The following C9orf50 variants were observed in gnomAD, a reference collection of about 807,000 sequenced individuals.
C9orf50 encodes the protein chromosome 9 open reading frame 50, also known as uncharacterized protein C9orf50.
Under a neutral mutation model 42.5 loss-of-function variants are expected in C9orf50, and 33 were observed. The observed-to-expected ratio is 0.78, with a 90% confidence interval of 0.59 to 1.04. C9orf50 has a LOEUF of 1.04. C9orf50 is among the 50% of genes least tolerant of loss of function. The pLI is 0.00. For missense variants in C9orf50, 547 were observed against 594.3 expected (o/e 0.92, Z 0.83); for synonymous variants, 257 against 273.4 (o/e 0.94, Z 0.59).
At position 129,620,056 on chromosome 9, in the gene C9orf50, C is replaced by G. The variant is rs1273240836; in HGVS notation, c.508+11G>C. The G allele has an allele frequency of 2.1e-6, 3 of 1,453,956 alleles. No individual in the cohort carries two copies. The highest frequency in any genetic ancestry group is 2.5e-5 in the East Asian group (1 of 40,042). The allele number at this position is 1,453,956 out of a possible 1,614,324, so 90.1% of individuals were successfully genotyped here. On this transcript the variant is annotated intron_variant, in intron 1 of 6. Coordinates refer to ENST00000372478, the Ensembl canonical transcript of C9orf50. The surrounding 1 kb of genome is among the most constrained non-coding windows in gnomAD (Gnocchi z 5.8). Reference sequence around the variant, plus strand: ...ACTCGGGCCCGCCCCCCGGGCCCCGCGGGGCCTCACTCAGTGGCTCCGGCT... The same window carrying G: ...ACTCGGGCCCGCCCCCCGGGCCCCGGGGGGCCTCACTCAGTGGCTCCGGCT...
intron 6 of C9orf50, 113 bp downstream of exon 6, chr9:129,612,994 A>C: frequency 7.3e-7 from 1 of 1,376,674 alleles, no homozygotes; most frequent in Non-Finnish European, 9.9e-7. Context: ...CTTGGCTCTC[A>C]GGGAGGGTCC....
At position 129,620,670 on chromosome 9, in the gene C9orf50, T is replaced by A; in HGVS notation, c.-96A>T. On this transcript the variant is annotated 5_prime_UTR_variant, in exon 1 of 7. Transcript: ENST00000372478. The surrounding 1 kb of genome is among the most constrained non-coding windows in gnomAD (Gnocchi z 5.8). ...GGCATAGTCCAGCCCCAGGCCATAG[T>A]GCCCCGGGCGGGGCAGCGCGGTGCG... The A allele has an allele frequency of 8.7e-7, 1 of 1,145,976 alleles. No individual in the cohort carries two copies. Among genetic ancestry groups the A allele is most frequent in the Non-Finnish European group, 1.1e-6 (1 of 908,398 alleles). 71.0% of individuals were successfully genotyped at this position (1,145,976 alleles called of 1,614,324 possible). A position where few individuals can be genotyped will look rare whatever the true frequency, so the allele number is the denominator to read the frequency against.
Position 129,620,565 on chromosome 9 carries a change from G to T in C9orf50, c.10C>A (p.Arg4Ser). 7.3e-7 allele frequency: 1 copy of T among 1,370,474 alleles called. No homozygotes were observed. 84.9% of individuals were successfully genotyped at this position (1,370,474 alleles called of 1,614,324 possible). A position where few individuals can be genotyped will look rare whatever the true frequency, so the allele number is the denominator to read the frequency against. ...TCCTGGGCCCCTGGGCGAAGTCGAC[G>T]CCAGAACATGCTTGGCCCCGCACTC... Residue 4 changes from arginine to serine, a missense_variant, in exon 1 of 7, where the codon CGT (arginine) becomes AGT (serine). Around this residue, in one of 3 missense-constraint regions of C9orf50, gnomAD observed 105 missense variants for 98.5 expected, o/e 1.07. Transcript: ENST00000372478. This position sits in a 1 kb window ranked among gnomAD's most constrained non-coding sequence, Gnocchi z 5.8.
exon 7 of C9orf50, chr9:129,612,263 G>T: frequency 8.4e-7 from 1 of 1,185,820 alleles, no homozygotes; most frequent in Admixed American, 2.0e-5. Flanking sequence ...CAGCCACCTG[G>T]GATGTGCCTT....
At position 129,620,035 on chromosome 9, in the gene C9orf50, G is replaced by A; in HGVS notation, c.508+32C>T. On this transcript the variant is annotated intron_variant, in intron 1 of 6. Transcript: ENST00000372478. This position sits in a 1 kb window ranked among gnomAD's most constrained non-coding sequence, Gnocchi z 5.8. ...GACCACCCCCCACCGGAAATGACTCGGGCCCGCCCCCCGGGCCCCGCGGGG... is the reference window on the plus strand; with the variant it reads ...GACCACCCCCCACCGGAAATGACTCAGGCCCGCCCCCCGGGCCCCGCGGGG... 1 of 1,454,298 alleles carries A rather than the reference G, an allele frequency of 6.9e-7. No individual in the cohort carries two copies. The highest frequency in any genetic ancestry group is 1.5e-5 in the South Asian group (1 of 68,824). 90.1% of individuals were successfully genotyped at this position (1,454,298 alleles called of 1,614,324 possible).
Position 129,620,675 on chromosome 9 carries a change from C to T in C9orf50, c.-101G>A, listed in dbSNP as rs1332950270. On this transcript the variant is annotated 5_prime_UTR_variant, in exon 1 of 7. Transcript: ENST00000372478. This position sits in a 1 kb window ranked among gnomAD's most constrained non-coding sequence, Gnocchi z 5.8. ...AGTCCAGCCCCAGGCCATAGTGCCCCGGGCGGGGCAGCGCGGTGCGGGGTG... is the reference window on the plus strand; with the variant it reads ...AGTCCAGCCCCAGGCCATAGTGCCCTGGGCGGGGCAGCGCGGTGCGGGGTG... 4 of 1,120,498 alleles carry T rather than the reference C, an allele frequency of 3.6e-6. No individual in the cohort carries two copies. Among genetic ancestry groups the T allele is most frequent in the Admixed American group, 4.1e-5 (1 of 24,106 alleles). The allele number at this position is 1,120,498 out of a possible 1,614,324, so 69.4% of individuals were successfully genotyped here. A position where few individuals can be genotyped will look rare whatever the true frequency, so the allele number is the denominator to read the frequency against.
Position 129,619,653 on chromosome 9 carries a change from C to A in C9orf50, c.600-17G>T, listed in dbSNP as rs750549247. On this transcript the variant is annotated splice_polypyrimidine_tract_variant and intron_variant, in intron 2 of 6. Coordinates refer to ENST00000372478, the Ensembl canonical transcript of C9orf50. The stretch of plus-strand genomic sequence containing the variant: ...GACTGGCCCCTTAAAGACAAACAGG[C>A]CACATCTGGCATGAGTGGCCAGGCT... 1.2e-6 allele frequency: 2 copies of A among 1,613,416 alleles called. No homozygotes were observed. Among genetic ancestry groups the A allele is most frequent in the African/African-American group, 1.3e-5 (1 of 74,874 alleles).
chr9:129,616,136 G>C (rs1830366040), intron 3 of C9orf50, among the ~76,000 whole-genome samples: 1 of 152,206 alleles, frequency 6.6e-6, no homozygotes, highest in Non-Finnish European at 1.5e-5. Flanking sequence ...GGGTTGTGAA[G>C]AAAGGAAATG....
chr9:129,613,017 A>C lies in C9orf50; in HGVS notation c.1188+90T>G, dbSNP rs995286314. The C allele has an allele frequency of 1.0e-5, 16 of 1,544,738 alleles. No homozygotes were observed. Among genetic ancestry groups the C allele is most frequent in the African/African-American group, 2.7e-5 (2 of 73,160 alleles). The stretch of plus-strand genomic sequence containing the variant: ...TCAGGGAGGGTCCACTCCCAGCCCC[A>C]GCCACTCCACCAAACAGGGCTGCTC... On this transcript the variant is annotated intron_variant, in intron 6 of 6. Transcript: ENST00000372478. This position sits in a 1 kb window ranked among gnomAD's most constrained non-coding sequence, Gnocchi z 6.2.
rs1036450074 is a variant in C9orf50, at chr9:129,620,404, G to T, written c.171C>A (p.Gly57=). ...CCCCTTCCGGCCACCACGCGGCGCC[G>T]CCCCCCGGGATCCTCCAGTCCCCGG... Residue 57 remains glycine, a synonymous_variant, in exon 1 of 7, where the codon GGC becomes GGA. Transcript: ENST00000372478. The surrounding 1 kb of genome is among the most constrained non-coding windows in gnomAD (Gnocchi z 5.8). 2.4e-6 allele frequency: 3 copies of T among 1,236,350 alleles called. No individual in the cohort carries two copies. Among genetic ancestry groups the T allele is most frequent in the Non-Finnish European group, 3.0e-6 (3 of 990,418 alleles). The allele number at this position is 1,236,350 out of a possible 1,614,324, so 76.6% of individuals were successfully genotyped here. A position where few individuals can be genotyped will look rare whatever the true frequency, so the allele number is the denominator to read the frequency against.
rs1478131326 is a variant in C9orf50, at chr9:129,613,747, A to G, written c.881-150T>C. The G allele has an allele frequency of 4.8e-5, 47 of 987,202 alleles. No individual in the cohort carries two copies. The highest frequency in any genetic ancestry group is 6.2e-4 in the Middle Eastern group (2 of 3,240). 61.2% of individuals were successfully genotyped at this position (987,202 alleles called of 1,614,324 possible). On this transcript the variant is annotated intron_variant, in intron 4 of 6. Transcript: ENST00000372478. The surrounding 1 kb of genome is among the most constrained non-coding windows in gnomAD (Gnocchi z 6.2). ...CCCAGCGCCTTCTGGCTGCCTCCAG[A>G]GAAGCCTTGGGTTTTAAAACCACCT...
chr9:129,612,241 A>G, exon 7 of C9orf50: 2 of 889,418 alleles, frequency 2.2e-6, no homozygotes, highest in Admixed American at 4.3e-5. Context: ...TGTGACACCT[A>G]CTGGCAGGTC....
chr9:129,617,004 T>C (rs977460067), intron 3 of C9orf50, among the ~76,000 whole-genome samples: 2 of 152,016 alleles, frequency 1.3e-5, no homozygotes, highest in Non-Finnish European at 2.9e-5. Context: ...GAGGTAGAGG[T>C]TGCAGTGAGC....
chr9:129,617,047 C>T (rs191057437), intron 3 of C9orf50, among the ~76,000 whole-genome samples: 4 of 151,308 alleles, frequency 2.6e-5, no homozygotes, highest in East Asian at 3.9e-4. Context: ...AGCCTAGGGA[C>T]GGAGTGAGAC....
intron 3 of C9orf50, among the ~76,000 whole-genome samples, chr9:129,617,892 A>G (rs7849985): frequency 0.016 from 2,400 of 152,096 alleles, 56 homozygotes; most frequent in African/African-American, 0.054. Context: ...CCATGTTACC[A>G]AGGCTGGTCT....
chr9:129,620,476 G>C lies in C9orf50; in HGVS notation c.99C>G (p.Pro33=). ...CTCGGAGCGCGGGCGGGGTCAGCTT[G>C]GGCAGCCGCGGGTCGCTGCTGCGTC... Residue 33 remains proline (P), a synonymous_variant, in exon 1 of 7, where the codon CCC becomes CCG. Transcript: ENST00000372478. This position sits in a 1 kb window ranked among gnomAD's most constrained non-coding sequence, Gnocchi z 5.8. 1 of 1,376,684 alleles carries C rather than the reference G, an allele frequency of 7.3e-7. No individual in the cohort carries two copies. The highest frequency in any genetic ancestry group is 9.4e-7 in the Non-Finnish European group (1 of 1,059,876). 85.3% of individuals were successfully genotyped at this position (1,376,684 alleles called of 1,614,324 possible).
At chr9:129,615,698 C>G in intron 3 of C9orf50, 51 bp from the exon 4 acceptor site, 4 of 1,478,068 alleles carry the variant, frequency 2.7e-6, no homozygotes, top group Non-Finnish European at 3.6e-6. Flanking sequence ...CGTACCCCAG[C>G]ACACACGCAC....
At position 129,612,467 on chromosome 9, in the gene C9orf50, A is replaced by G. The variant is rs1157230192; in HGVS notation, c.1189-13T>C. Reference sequence around the variant, plus strand: ...GCAGGAGGGACTCCTAGAGTGAGACAGAGGACCAGCTGGCTGCTACCAGGA... The same window carrying G: ...GCAGGAGGGACTCCTAGAGTGAGACGGAGGACCAGCTGGCTGCTACCAGGA... On this transcript the variant is annotated splice_polypyrimidine_tract_variant and intron_variant, in intron 6 of 6. Coordinates refer to ENST00000372478, the Ensembl canonical transcript of C9orf50. The G allele has an allele frequency of 6.2e-7, 1 of 1,607,718 alleles. No homozygotes were observed. The highest frequency in any genetic ancestry group is 1.7e-5 in the Admixed American group (1 of 59,588).
chr9:129,620,595 C>A lies in C9orf50; in HGVS notation c.-21G>T. On this transcript the variant is annotated 5_prime_UTR_variant, in exon 1 of 7. Coordinates refer to ENST00000372478, the Ensembl canonical transcript of C9orf50. This position sits in a 1 kb window ranked among gnomAD's most constrained non-coding sequence, Gnocchi z 5.8. ...AACATGCTTGGCCCCGCACTCAGCTCACCGCACCCTCAGCGCGCGTGGGTG... is the reference window on the plus strand; with the variant it reads ...AACATGCTTGGCCCCGCACTCAGCTAACCGCACCCTCAGCGCGCGTGGGTG... 7.6e-7 allele frequency: 1 copy of A among 1,320,186 alleles called. No individual in the cohort carries two copies. Among genetic ancestry groups the A allele is most frequent in the South Asian group, 2.4e-5 (1 of 42,524 alleles). 81.8% of individuals were successfully genotyped at this position (1,320,186 alleles called of 1,614,324 possible). A position where few individuals can be genotyped will look rare whatever the true frequency, so the allele number is the denominator to read the frequency against.
Sources: allele counts gnomAD v4.1 joint callset (sites outside exome capture counted in the v4.1 genomes callset), GRCh38; gene constraint gnomAD v4.1.1; regional missense constraint gnomAD v4.1.1; non-coding constraint Gnocchi (gnomAD v3.1); transcripts MANE v1.5; gene names NCBI Gene and HGNC (gene_info 2026-07-23, HGNC 2026-07-21).